Variants in LRRC7 observed in about 807,000 individuals in gnomAD.
LRRC7 encodes leucine-rich repeat-containing protein 7.
In LRRC7, 23 loss-of-function variants were observed where a neutral mutation model predicts 175.7. That is an observed-to-expected ratio of 0.13 (90% confidence interval 0.09 to 0.19). The LOEUF (loss-of-function observed/expected upper bound fraction) is 0.19, where lower values mean the gene tolerates loss of function less well. LRRC7 is among the 10% of genes least tolerant of loss of function. LRRC7 has a pLI of 1.00. For synonymous variants in LRRC7, 685 were observed against 680.9 expected (o/e 1.01, Z -0.09); for missense variants, 1,354 against 1,904.7 (o/e 0.71, Z 5.38).
chr1:70,110,028 A>G (rs1317198917), intron 26 of LRRC7, among the ~76,000 whole-genome samples: 1 of 152,236 alleles, frequency 6.6e-6, no homozygotes, highest in Non-Finnish European at 1.5e-5. Flanking sequence ...GAATTCAGAA[A>G]TGTATATGTA....
Position 70,132,942 on chromosome 1 carries a change from C to A in LRRC7, c.*11055C>A, listed in dbSNP as rs954324562. ...TCATGCTATTCTTAAATTCCTGGAG[C>A]GAAGGGGTGAACATTTCCCTCTGTA... On this transcript the variant is annotated 3_prime_UTR_variant, in exon 27 of 27. Coordinates refer to ENST00000651989, the MANE Select transcript of LRRC7 (RefSeq NM_001370785.2). Among the ~76,000 whole-genome samples the A allele has an allele frequency of 8.6e-5, 13 of 152,034 alleles. No homozygotes were observed. The highest frequency in any genetic ancestry group is 1.2e-4 in the Non-Finnish European group (8 of 68,014).
chr1:70,042,974 G>T (rs1660039986), intron 21 of LRRC7, among the ~76,000 whole-genome samples: 1 of 151,662 alleles, frequency 6.6e-6, no homozygotes, highest in Admixed American at 6.6e-5. Flanking sequence ...TAGAAAAAGT[G>T]TGCTAAGTTA....
intron 1 of LRRC7, among the ~76,000 whole-genome samples, chr1:69,636,424 GAC>G (rs55772671): frequency 0.71 from 106,460 of 150,554 alleles, 37,733 homozygotes; most frequent in South Asian, 0.77. Flanking sequence ...TCCAGGCACA[GAC>G]ACACACACAC....
At chr1:69,919,976 G>A in intron 7 of LRRC7, 1 of 536,894 alleles carries the variant, frequency 1.9e-6, no homozygotes, top group South Asian at 2.2e-5. Flanking sequence ...CCAGACTGGG[G>A]GCCCTTCCAG....
intron 1 of LRRC7, among the ~76,000 whole-genome samples, chr1:69,625,348 T>C (rs1229774833): frequency 1.0e-5 from 1 of 96,640 alleles, no homozygotes; most frequent in East Asian, 5.3e-4. Flanking sequence ...CTGATATTTA[T>C]ACCTCCACTA....
intron 1 of LRRC7, among the ~76,000 whole-genome samples, chr1:69,600,126 G>T (rs1426977684): frequency 1.3e-5 from 2 of 152,042 alleles, no homozygotes; most frequent in Admixed American, 1.3e-4. Flanking sequence ...TAGAAAAATT[G>T]CAAAGATATT....
At chr1:69,895,982 A>T (rs1415325153) in intron 7 of LRRC7, among the ~76,000 whole-genome samples, 1 of 152,226 alleles carries the variant, frequency 6.6e-6, no homozygotes, top group Admixed American at 6.5e-5. Flanking sequence ...AACGTGAGGC[A>T]AAATTACTCT....
At chr1:69,999,806 T>G (rs1485399058) in intron 11 of LRRC7, among the ~76,000 whole-genome samples, 1 of 152,180 alleles carries the variant, frequency 6.6e-6, no homozygotes, top group Non-Finnish European at 1.5e-5. Context: ...GAAATTTTTT[T>G]TTGAAATCAT....
intron 1 of LRRC7, among the ~76,000 whole-genome samples, chr1:69,577,836 T>C (rs1419502461): frequency 6.6e-6 from 1 of 152,170 alleles, no homozygotes; most frequent in Non-Finnish European, 1.5e-5. Flanking sequence ...TTTCTTCTTT[T>C]GGCTTAGGAT....
At chr1:69,600,711 A>T (rs1398383650) in intron 1 of LRRC7, among the ~76,000 whole-genome samples, 3 of 149,278 alleles carry the variant, frequency 2.0e-5, no homozygotes, top group African/African-American at 7.4e-5. Flanking sequence ...TTCTTGCTTC[A>T]TGGACAGTAC....
At chr1:70,095,541 A>G (rs1571310729) in intron 25 of LRRC7, among the ~76,000 whole-genome samples, 1 of 152,252 alleles carries the variant, frequency 6.6e-6, no homozygotes, top group East Asian at 1.9e-4. Flanking sequence ...TACAAATAGT[A>G]TTCCTACAGG....
At chr1:70,003,212 T>C (rs1211278346) in intron 11 of LRRC7, among the ~76,000 whole-genome samples, 1 of 152,126 alleles carries the variant, frequency 6.6e-6, no homozygotes, top group East Asian at 1.9e-4. Context: ...AAGGCATTAA[T>C]CCCATCATGA....
At chr1:69,746,403 A>T (rs1033342621) in intron 2 of LRRC7, among the ~76,000 whole-genome samples, 50 of 151,988 alleles carry the variant, frequency 3.3e-4, no homozygotes, top group African/African-American at 1.2e-3. Flanking sequence ...TCTGAAAATG[A>T]GTGGGCACCT....
rs1007883097 is a variant in LRRC7 at position 69,966,322 on chromosome 1, GTTT to G, written c.712-14052_712-14050del. On this transcript the variant is annotated intron_variant, in intron 8 of 26. Transcript: ENST00000651989. ...TGTATATTGCTTCTGGGAATAACAAGTTTTTTTAATTACAGTATCTACCATGTA... is the reference window on the plus strand; with the variant it reads ...TGTATATTGCTTCTGGGAATAACAAGTTTTAATTACAGTATCTACCATGTA... 5.3e-5 allele frequency among the ~76,000 whole-genome samples: 8 copies of G among 151,940 alleles called. No individual in the cohort carries two copies. The East Asian group carries it at 1.5e-3, about 29-fold the overall frequency.
At chr1:69,649,850 T>C (rs1655529671) in intron 1 of LRRC7, among the ~76,000 whole-genome samples, 1 of 131,146 alleles carries the variant, frequency 7.6e-6, no homozygotes, top group African/African-American at 2.9e-5. Context: ...ATCAAAGTGA[T>C]TGAAAAAAAA....
chr1:69,949,445 T>C (rs1649686509), intron 8 of LRRC7, among the ~76,000 whole-genome samples: 1 of 152,042 alleles, frequency 6.6e-6, no homozygotes, highest in South Asian at 2.1e-4. Flanking sequence ...TGGTCCCAGC[T>C]ACTCCAGGGA....
rs149602866 is a variant in LRRC7 at position 69,749,327 on chromosome 1, C to T, written c.101-10864C>T. ...ATCCTATAATCCATAAGTTGATGTTCTTTAGTGTTACAATGACTGTAATAA... is the reference window on the plus strand; with the variant it reads ...ATCCTATAATCCATAAGTTGATGTTTTTTAGTGTTACAATGACTGTAATAA... On this transcript the variant is annotated intron_variant, in intron 2 of 26. Coordinates refer to ENST00000651989, the MANE Select transcript of LRRC7 (RefSeq NM_001370785.2). Among the ~76,000 whole-genome samples the T allele has an allele frequency of 2.6e-5, 4 of 152,198 alleles. No individual in the cohort carries two copies. In the East Asian group the frequency reaches 7.7e-4, roughly 29 times the overall value.
intron 8 of LRRC7, among the ~76,000 whole-genome samples, chr1:69,950,261 G>A (rs1649782690): frequency 6.6e-6 from 1 of 152,048 alleles, no homozygotes; most frequent in South Asian, 2.1e-4. Flanking sequence ...GATAATATAG[G>A]AAAACTGAAG....
chr1:69,621,696 T>A (rs1172661594), intron 1 of LRRC7, among the ~76,000 whole-genome samples: 1 of 152,198 alleles, frequency 6.6e-6, no homozygotes, highest in African/African-American at 2.4e-5. Context: ...CCAGACTTTA[T>A]AGCTGGTCTA....
Sources: gnomAD v4.1 joint callset for allele counts (sites outside exome capture counted in the v4.1 genomes callset) on GRCh38, gnomAD v4.1.1 for gene constraint, MANE v1.5 for transcripts, NCBI Gene and HGNC (gene_info 2026-07-23, HGNC 2026-07-21) for gene names.